Variants in DOK6 observed in about 807,000 individuals in gnomAD.
The protein encoded by DOK6 is downstream of tyrosine kinase 6.
In DOK6, 22 loss-of-function variants were observed where a neutral mutation model predicts 44.0. That is an observed-to-expected ratio of 0.50 (90% confidence interval 0.36 to 0.71). The LOEUF is 0.71. DOK6 is among the 30% of genes least tolerant of loss of function. DOK6 has a pLI of 0.00. For missense variants in DOK6, 340 were observed against 416.4 expected (o/e 0.82, Z 1.60); for synonymous variants, 166 against 145.5 (o/e 1.14, Z -1.01).
chr18:69,566,870 G>T (rs1388626408), intron 2 of DOK6, among the ~76,000 whole-genome samples: 1 of 152,152 alleles, frequency 6.6e-6, no homozygotes, highest in Non-Finnish European at 1.5e-5. Flanking sequence ...AAGAGAAAGG[G>T]TCATCTCTAG....
At chr18:69,443,863 C>A (rs1026947514) in intron 1 of DOK6, among the ~76,000 whole-genome samples, 3 of 152,050 alleles carry the variant, frequency 2.0e-5, no homozygotes, top group African/African-American at 7.2e-5. Flanking sequence ...ATAGTCCTCA[C>A]GTTCAGAGTG....
intron 7 of DOK6, among the ~76,000 whole-genome samples, chr18:69,829,248 C>A (rs1981835214): frequency 1.0e-5 from 1 of 100,196 alleles, no homozygotes; most frequent in South Asian, 3.9e-4. Flanking sequence ...ACTTTGGTTC[C>A]TTAATTAAAA....
At chr18:69,488,563 A>T (rs1980647231) in intron 1 of DOK6, among the ~76,000 whole-genome samples, 1 of 152,194 alleles carries the variant, frequency 6.6e-6, no homozygotes, top group African/African-American at 2.4e-5. Flanking sequence ...CACATGGCTG[A>T]GGAGGCCTCA....
At chr18:69,741,455 T>C (rs549134203) in intron 6 of DOK6, among the ~76,000 whole-genome samples, 1 of 152,282 alleles carries the variant, frequency 6.6e-6, no homozygotes, top group African/African-American at 2.4e-5. Flanking sequence ...GTTCTCCAGA[T>C]ACAATTTTTT....
intron 1 of DOK6, among the ~76,000 whole-genome samples, chr18:69,522,212 ACACACACACACC>A (rs1568284495): frequency 6.6e-6 from 1 of 151,850 alleles, no homozygotes; most frequent in Non-Finnish European, 1.5e-5. Context: ...AACAAACCAC[ACACACACACACC>A]CACACACATA....
intron 2 of DOK6, among the ~76,000 whole-genome samples, chr18:69,591,792 T>C (rs996735057): frequency 3.9e-5 from 6 of 152,190 alleles, no homozygotes; most frequent in African/African-American, 9.6e-5. Flanking sequence ...GGTATCAGAC[T>C]CCCTGTTGCA....
chr18:69,471,994 C>T (rs1483379941), intron 1 of DOK6, among the ~76,000 whole-genome samples: 1 of 152,114 alleles, frequency 6.6e-6, no homozygotes, highest in African/African-American at 2.4e-5. Flanking sequence ...CATTACTGTT[C>T]TAGTTTACAT....
At chr18:69,773,175 T>C (rs1979939051) in intron 7 of DOK6, among the ~76,000 whole-genome samples, 1 of 151,786 alleles carries the variant, frequency 6.6e-6, no homozygotes, top group Non-Finnish European at 1.5e-5. Flanking sequence ...TGGCTAATTA[T>C]CTAAAAAACA....
Position 69,485,242 on chromosome 18 carries a change from A to C in DOK6, c.67-79245A>C, listed in dbSNP as rs577196580. ...TGGTTCCATGGTGAGCAAGGGCAGCAAGTGAGAGGGCATGCTGAAAGCCTT... is the reference window on the plus strand; with the variant it reads ...TGGTTCCATGGTGAGCAAGGGCAGCCAGTGAGAGGGCATGCTGAAAGCCTT... On this transcript the variant is annotated intron_variant, in intron 1 of 7. Transcript: ENST00000382713. Among the ~76,000 whole-genome samples the C allele has an allele frequency of 4.6e-5, 7 of 152,306 alleles. No individual in the cohort carries two copies. In the East Asian group the frequency reaches 1.2e-3, roughly 25 times the overall value.
chr18:69,811,561 T>C (rs1245879634), intron 7 of DOK6, among the ~76,000 whole-genome samples: 2 of 14,432 alleles, frequency 1.4e-4, no homozygotes, highest in Admixed American at 1.3e-3. Context: ...TATATATATA[T>C]ATATATATAT....
intron 2 of DOK6, among the ~76,000 whole-genome samples, chr18:69,570,093 C>T (rs1983078905): frequency 6.6e-6 from 1 of 151,868 alleles, no homozygotes; most frequent in African/African-American, 2.4e-5. Flanking sequence ...CTGTTGAGTA[C>T]TATGCTTAGT....
At chr18:69,828,458 A>T (rs886848373) in intron 7 of DOK6, among the ~76,000 whole-genome samples, 2 of 151,846 alleles carry the variant, frequency 1.3e-5, no homozygotes, top group African/African-American at 4.8e-5. Context: ...ATATCTCACT[A>T]GGTAATTACA....
At chr18:69,534,495 A>C (rs1312119396) in intron 1 of DOK6, among the ~76,000 whole-genome samples, 1 of 152,036 alleles carries the variant, frequency 6.6e-6, no homozygotes, top group African/African-American at 2.4e-5. Context: ...ATTTGCTTCT[A>C]AATTTTTTTT....
intron 1 of DOK6, among the ~76,000 whole-genome samples, chr18:69,556,125 T>A (rs1195455367): frequency 6.6e-6 from 1 of 152,174 alleles, no homozygotes; most frequent in African/African-American, 2.4e-5. Context: ...TATTGTGTTC[T>A]CTCACTGCTT....
rs1415657986 is a variant in DOK6, at chr18:69,534,717, G to A, written c.67-29770G>A. ...ATGAGCTCCCTAATAGTTTCCACTCGTTCCTTTATCTATCGTTGCATCAAA... is the reference window on the plus strand; with the variant it reads ...ATGAGCTCCCTAATAGTTTCCACTCATTCCTTTATCTATCGTTGCATCAAA... On this transcript the variant is annotated intron_variant, in intron 1 of 7. Coordinates refer to ENST00000382713, the MANE Select transcript of DOK6 (RefSeq NM_152721.6). Among the ~76,000 whole-genome samples, 18 of 151,646 alleles carry A rather than the reference G, an allele frequency of 1.2e-4. No individual in the cohort carries two copies. The East Asian group carries it at 1.4e-3, about 11-fold the overall frequency.
intron 1 of DOK6, among the ~76,000 whole-genome samples, chr18:69,414,557 A>G (rs1278724647): frequency 1.3e-5 from 2 of 152,048 alleles, no homozygotes; most frequent in African/African-American, 4.8e-5. Context: ...TAGTATCCAG[A>G]GGTTATGGAC....
At chr18:69,547,731 G>C (rs957144162) in intron 1 of DOK6, among the ~76,000 whole-genome samples, 3 of 150,390 alleles carry the variant, frequency 2.0e-5, no homozygotes, top group Non-Finnish European at 4.4e-5. Flanking sequence ...TTAGCCTCTG[G>C]TAACCATCAT....
chr18:69,745,224 G>A (rs1396202267), intron 6 of DOK6, among the ~76,000 whole-genome samples: 2 of 152,112 alleles, frequency 1.3e-5, no homozygotes, highest in African/African-American at 2.4e-5. Flanking sequence ...TTGGTTCTGT[G>A]TAAGAAAAAT....
At chr18:69,463,298 C>T (rs554429080) in intron 1 of DOK6, among the ~76,000 whole-genome samples, 5 of 152,180 alleles carry the variant, frequency 3.3e-5, no homozygotes, top group South Asian at 2.1e-4. Flanking sequence ...ATCACCGTGG[C>T]GATTAGGATT....
Sources: gnomAD v4.1 joint callset for allele counts (sites outside exome capture counted in the v4.1 genomes callset) on GRCh38, gnomAD v4.1.1 for gene constraint, MANE v1.5 for transcripts, NCBI Gene and HGNC (gene_info 2026-07-23, HGNC 2026-07-21) for gene names.